The following CLVS1 variants were observed in gnomAD, a reference collection of about 807,000 sequenced individuals.
CLVS1 encodes clavesin 1, also known as clavesin-1.
In CLVS1, 10 loss-of-function variants were observed where a neutral mutation model predicts 33.1. That is an observed-to-expected ratio of 0.30 (90% CI 0.19 to 0.51). The LOEUF (loss-of-function observed/expected upper bound fraction) is 0.51. Ranked by LOEUF, CLVS1 falls within the 20% of genes least tolerant of loss-of-function variation. CLVS1 has a pLI of 0.97. For missense variants in CLVS1, 343 were observed against 433.4 expected, an observed-to-expected ratio of 0.79 and a Z score of 1.85; for synonymous variants, 163 against 166.1, an observed-to-expected ratio of 0.98 and a Z score of 0.14.
intron 3 of CLVS1, among the ~76,000 whole-genome samples, chr8:61,388,477 G>A (rs977376816): frequency 6.6e-6 from 1 of 151,602 alleles, no homozygotes; most frequent in Non-Finnish European, 1.5e-5. Context: ...AAAATTTTGA[G>A]CCTAAAAAAT....
intron 2 of CLVS1, among the ~76,000 whole-genome samples, chr8:61,338,009 G>A (rs1293465287): frequency 1.3e-5 from 2 of 152,158 alleles, no homozygotes; most frequent in African/African-American, 4.8e-5. Flanking sequence ...CTCGCTTCCA[G>A]ACAGGTAACC....
chr8:61,056,490 T>C (rs7008793), upstream of CLVS1, among the ~76,000 whole-genome samples: 2,129 of 152,276 alleles, frequency 0.014, 56 homozygotes, highest in African/African-American at 0.048. Flanking sequence ...CACACCAAAA[T>C]GTTCTAGTGG....
At chr8:61,395,246 A>G (rs1814476049) in intron 3 of CLVS1, among the ~76,000 whole-genome samples, 1 of 152,194 alleles carries the variant, frequency 6.6e-6, no homozygotes, top group Admixed American at 6.5e-5. Flanking sequence ...TGGAAACTCA[A>G]AAAGGCAATT....
intron 2 of CLVS1, among the ~76,000 whole-genome samples, chr8:61,262,883 A>AG: frequency 6.6e-6 from 1 of 152,294 alleles, no homozygotes; most frequent in East Asian, 1.9e-4. Context: ...TAGGAGCCTG[A>AG]GGCACTACGC....
intron 5 of CLVS1, among the ~76,000 whole-genome samples, chr8:61,485,142 T>C (rs919600394): frequency 2.6e-5 from 4 of 151,826 alleles, no homozygotes; most frequent in African/African-American, 9.7e-5. Flanking sequence ...GAAACTACCA[T>C]CAGAGTGAAC....
At chr8:61,093,412 G>A (rs1004548099) in intron 1 of CLVS1, among the ~76,000 whole-genome samples, 3 of 152,126 alleles carry the variant, frequency 2.0e-5, no homozygotes, top group Non-Finnish European at 4.4e-5. Context: ...GGTGAGTGTG[G>A]GGGTCCAAAA....
chr8:61,076,324 T>C (rs1292148722), intron 1 of CLVS1, among the ~76,000 whole-genome samples: 2 of 152,234 alleles, frequency 1.3e-5, no homozygotes, highest in Non-Finnish European at 2.9e-5. Flanking sequence ...AAAAAACGCA[T>C]GCATGCTGGG....
chr8:61,120,681 G>C (rs1458372817), intron 1 of CLVS1, among the ~76,000 whole-genome samples: 1 of 138,776 alleles, frequency 7.2e-6, no homozygotes, highest in African/African-American at 2.8e-5. Flanking sequence ...CAGTTAGGCT[G>C]CTCAGGGGTC....
At chr8:61,310,787 T>C (rs1192972837) in intron 2 of CLVS1, among the ~76,000 whole-genome samples, 1 of 152,222 alleles carries the variant, frequency 6.6e-6, no homozygotes, top group African/African-American at 2.4e-5. Context: ...TTTTACAAAA[T>C]TTGGTCCTAA....
intron 1 of CLVS1, among the ~76,000 whole-genome samples, chr8:61,093,584 T>C (rs1339090634): frequency 1.3e-5 from 2 of 152,208 alleles, no homozygotes; most frequent in Admixed American, 6.5e-5. Flanking sequence ...CAGTGTTAAA[T>C]CTATAGACAG....
At chr8:61,178,371 T>C (rs990301853) in intron 2 of CLVS1, among the ~76,000 whole-genome samples, 2 of 151,054 alleles carry the variant, frequency 1.3e-5, no homozygotes, top group African/African-American at 4.9e-5. Flanking sequence ...CTATGATTGA[T>C]TGGAGTAACT....
intron 1 of CLVS1, among the ~76,000 whole-genome samples, chr8:61,113,680 G>A (rs985990089): frequency 1.3e-5 from 2 of 152,232 alleles, no homozygotes; most frequent in South Asian, 2.1e-4. Flanking sequence ...GTGTCACCTG[G>A]AAAGGATGGC....
intron 1 of CLVS1, among the ~76,000 whole-genome samples, chr8:61,127,998 G>A (rs1806007661): frequency 6.6e-6 from 1 of 152,224 alleles, no homozygotes; most frequent in Non-Finnish European, 1.5e-5. Flanking sequence ...CAGAGATGAT[G>A]TTGAAAGCAA....
At chr8:61,361,070 G>C (rs1039138908) in intron 2 of CLVS1, among the ~76,000 whole-genome samples, 1 of 152,052 alleles carries the variant, frequency 6.6e-6, no homozygotes, top group Non-Finnish European at 1.5e-5. Context: ...GGGGGAGGGG[G>C]TGCTACACAC....
At chr8:61,053,773 G>A (rs983518642), upstream of CLVS1, among the ~76,000 whole-genome samples, 3 of 152,216 alleles carry the variant, frequency 2.0e-5, no homozygotes, top group East Asian at 1.9e-4. Flanking sequence ...TGAACATTCC[G>A]TCCTGGAGCT....
intron 3 of CLVS1, chr8:61,378,326 T>C (rs774887331): frequency 1.3e-5 from 2 of 152,226 alleles, no homozygotes; most frequent in Non-Finnish European, 1.5e-5. Context: ...TGAAAATGTA[T>C]GGATTACTTA....
At chr8:61,318,571 C>A (rs1811089544) in intron 2 of CLVS1, among the ~76,000 whole-genome samples, 1 of 152,154 alleles carries the variant, frequency 6.6e-6, no homozygotes, top group Non-Finnish European at 1.5e-5. Context: ...TTTATTATTT[C>A]TATCTTCATA....
At chr8:61,337,694 G>T (rs530389361) in intron 2 of CLVS1, among the ~76,000 whole-genome samples, 66 of 152,300 alleles carry the variant, frequency 4.3e-4, no homozygotes, top group Non-Finnish European at 7.3e-4. Flanking sequence ...GTGTGAGGGT[G>T]GCTATCGTGA....
intron 2 of CLVS1, chr8:61,274,044 G>C (rs1250513561): frequency 6.6e-6 from 1 of 152,432 alleles, no homozygotes; most frequent in African/African-American, 2.4e-5. Flanking sequence ...CAGCTGTAGG[G>C]AGATAAGAGA....
Sources: gnomAD v4.1 joint callset for allele counts (sites outside exome capture counted in the v4.1 genomes callset) on GRCh38, gnomAD v4.1.1 for gene constraint, MANE v1.5 for transcripts, NCBI Gene and HGNC (gene_info 2026-07-23, HGNC 2026-07-21) for gene names.